COL9A1: variants seen among roughly 807,000 people sequenced by gnomAD.
The protein encoded by COL9A1 is collagen type IX alpha 1 chain, also known as collagen alpha-1(IX) chain.
COL9A1 carries 104 observed loss-of-function variants against 142.6 expected under a neutral mutation model. The ratio of observed to expected loss-of-function variants is 0.73; its 90% CI spans 0.62 to 0.86. The LOEUF (loss-of-function observed/expected upper bound fraction) is 0.86, where lower values mean the gene tolerates loss of function less well. Ranked by LOEUF, COL9A1 falls within the 40% of genes least tolerant of loss-of-function variation. COL9A1 has a pLI of 0.00. For missense variants in COL9A1, 1,210 were observed against 1,176.6 expected (o/e 1.03, Z -0.42); for synonymous variants, 466 against 396.0 (o/e 1.18, Z -2.10).
chr6:70,277,402 CCA>C (rs1452545102), intron 10 of COL9A1, among the ~76,000 whole-genome samples: 1 of 151,012 alleles, frequency 6.6e-6, no homozygotes, highest in Non-Finnish European at 1.5e-5. Flanking sequence ...AATATACAGA[CCA>C]CACACATAAT....
At chr6:70,285,819 G>C (rs548015724) in intron 5 of COL9A1, among the ~76,000 whole-genome samples, 2 of 152,352 alleles carry the variant, frequency 1.3e-5, no homozygotes, top group South Asian at 4.1e-4. Flanking sequence ...GAAATGAGTA[G>C]TGTGTGAATG....
intron 20 of COL9A1, among the ~76,000 whole-genome samples, chr6:70,259,542 C>T (rs950424406): frequency 1.3e-5 from 2 of 152,146 alleles, no homozygotes; most frequent in African/African-American, 4.8e-5. Flanking sequence ...ATGATAATCA[C>T]TCAGCTAAAC....
chr6:70,284,990 TGAA>T (rs1773394685), intron 5 of COL9A1, among the ~76,000 whole-genome samples: 1 of 152,212 alleles, frequency 6.6e-6, no homozygotes, highest in South Asian at 2.1e-4. Context: ...CAATGAAGAA[TGAA>T]GTCTTTCCTT....
chr6:70,244,245 A>G (rs527795671), intron 28 of COL9A1, among the ~76,000 whole-genome samples: 30 of 152,342 alleles, frequency 2.0e-4, no homozygotes, highest in Non-Finnish European at 3.5e-4. Context: ...TGTCTGGTAT[A>G]TGACTTTGGG....
intron 37 of COL9A1, among the ~76,000 whole-genome samples, chr6:70,224,570 A>T (rs1282884348): frequency 6.6e-6 from 1 of 152,238 alleles, no homozygotes; most frequent in Non-Finnish European, 1.5e-5. Flanking sequence ...AGGCTTTCTC[A>T]TAAATATATA....
chr6:70,224,094 A>T (rs1175841345), intron 37 of COL9A1, among the ~76,000 whole-genome samples: 1 of 152,204 alleles, frequency 6.6e-6, no homozygotes, highest in Non-Finnish European at 1.5e-5. Flanking sequence ...GGGTCCACAA[A>T]ATGTTTCAAC....
At chr6:70,266,821 C>T (rs1236887171) in intron 17 of COL9A1, 51 bp from the exon 18 acceptor site, 4 of 1,454,482 alleles carry the variant, frequency 2.8e-6, no homozygotes, top group Admixed American at 1.7e-5. Flanking sequence ...AGAAAGTGAT[C>T]AGAAGGCTCA....
chr6:70,232,773 T>C lies in COL9A1; in HGVS notation c.2315-2A>G. Reference sequence around the variant, plus strand: ...TGGCAGCCATCTCAGCAAAATGTTCTAAAAGAGAATAAACAAAACAACCCA... The same window carrying C: ...TGGCAGCCATCTCAGCAAAATGTTCCAAAAGAGAATAAACAAAACAACCCA... On this transcript the variant is annotated splice_acceptor_variant, in intron 35 of 37. Transcript: ENST00000357250. LOFTEE classifies it high-confidence loss of function. 3 of 1,607,832 alleles carry C rather than the reference T, an allele frequency of 1.9e-6. No individual in the cohort carries two copies. The highest frequency in any genetic ancestry group is 2.5e-6 in the Non-Finnish European group (3 of 1,176,546).
chr6:70,264,804 C>A (rs1771911332), intron 18 of COL9A1, among the ~76,000 whole-genome samples: 1 of 152,062 alleles, frequency 6.6e-6, no homozygotes, highest in Admixed American at 6.5e-5. Context: ...ACAAATACCA[C>A]AACATTTTGA....
At chr6:70,252,203 G>T (rs777664504) in intron 27 of COL9A1, 30 bp from the exon 28 acceptor site, 18 of 1,614,156 alleles carry the variant, frequency 1.1e-5, no homozygotes, top group Non-Finnish European at 1.5e-5. Context: ...TAGAAAAAAA[G>T]TTAACACCTA....
chr6:70,290,426 A>G (rs1469235461), intron 5 of COL9A1, among the ~76,000 whole-genome samples: 1 of 152,156 alleles, frequency 6.6e-6, no homozygotes, highest in Non-Finnish European at 1.5e-5. Context: ...ATATTACAGC[A>G]GTGCATTGGG....
intron 26 of COL9A1, 98 bp from the exon 27 acceptor site, chr6:70,252,413 A>C: frequency 9.7e-7 from 1 of 1,033,896 alleles, no homozygotes; most frequent in Admixed American, 1.8e-5. Flanking sequence ...TTTGAATAGC[A>C]TTAATTCCCT....
In COL9A1 at chr6:70,267,327, G is replaced by GTTTTTTTTTTTTTT. The variant is rs61373051; in HGVS notation, c.1288-558_1288-557insAAAAAAAAAAAAAA. ...TTGTTGTTGTTTGTTTGGTTTTTTT[G>GTTTTTTTTTTTTTT]TTTTTTTTTTTTGAGATGGAGCTTC... On this transcript the variant is annotated intron_variant, in intron 17 of 37. Transcript: ENST00000357250. Among the ~76,000 whole-genome samples the GTTTTTTTTTTTTTT allele has an allele frequency of 1.0e-3, 131 of 127,006 alleles. 3 individuals carry two copies. Among genetic ancestry groups the GTTTTTTTTTTTTTT allele is most frequent in the African/African-American group, 3.0e-3 (101 of 33,622 alleles). The allele number at this position is 127,006 out of a possible 152,430, so 83.3% of individuals were successfully genotyped here.
intron 18 of COL9A1, among the ~76,000 whole-genome samples, chr6:70,266,003 T>C (rs1050287751): frequency 3.3e-5 from 5 of 152,310 alleles, no homozygotes; most frequent in African/African-American, 1.2e-4. Context: ...AACTTAACTT[T>C]GTAAAATATT....
At chr6:70,222,605 T>C (rs1054035984) in intron 37 of COL9A1, among the ~76,000 whole-genome samples, 11 of 152,210 alleles carry the variant, frequency 7.2e-5, no homozygotes, top group African/African-American at 1.2e-4. Flanking sequence ...AGATACAGCA[T>C]TGGAGAGGGG....
At chr6:70,237,836 A>T (rs528424198) in intron 33 of COL9A1, among the ~76,000 whole-genome samples, 1 of 152,246 alleles carries the variant, frequency 6.6e-6, no homozygotes, top group African/African-American at 2.4e-5. Context: ...TGCGGTTTGC[A>T]AAGAGCCCAA....
chr6:70,285,267 A>G (rs1482639178), intron 5 of COL9A1, among the ~76,000 whole-genome samples: 1 of 152,234 alleles, frequency 6.6e-6, no homozygotes, highest in Non-Finnish European at 1.5e-5. Context: ...AGTGCCACAT[A>G]GATCAAGAGT....
intron 29 of COL9A1, chr6:70,242,301 C>A (rs1770311351): frequency 1.7e-6 from 1 of 583,144 alleles, no homozygotes; most frequent in Non-Finnish European, 3.1e-6. Context: ...AAGCCCCCGC[C>A]ACCCCCGCAC....
chr6:70,280,739 C>A (rs1360064175), intron 10 of COL9A1, 73 bp downstream of exon 10: 1 of 1,517,590 alleles, frequency 6.6e-7, no homozygotes, highest in Middle Eastern at 2.1e-4. Flanking sequence ...CCCTCCCCCC[C>A]CACAAAACAC....
Sources: allele counts gnomAD v4.1 joint callset (sites outside exome capture counted in the v4.1 genomes callset), GRCh38; gene constraint gnomAD v4.1.1; transcripts MANE v1.5; gene names NCBI Gene and HGNC (gene_info 2026-07-23, HGNC 2026-07-21).